NDRG1: variants seen among roughly 807,000 people sequenced by gnomAD.
NDRG1 encodes N-myc downstream regulated 1.
A neutral mutation model predicts 56.9 loss-of-function variants in NDRG1; 32 were observed. The observed-to-expected ratio is 0.56, with a 90% CI of 0.42 to 0.76. NDRG1 has a LOEUF of 0.76. Ranked by LOEUF, NDRG1 falls within the 30% of genes least tolerant of loss-of-function variation. The pLI is 0.00. For missense variants in NDRG1, 507 were observed against 545.7 expected, an observed-to-expected ratio of 0.93 and a Z score of 0.71; for synonymous variants, 211 against 204.1, an observed-to-expected ratio of 1.03 and a Z score of -0.29.
rs1450165165 is a variant in NDRG1, at chr8:133,254,547, A to G, written c.586T>C (p.Phe196Leu). Residue 196 changes from phenylalanine to leucine, a missense_variant, in exon 9 of 16, where the codon TTT becomes CTT. By Grantham distance (22) the Phe-to-Leu change is conservative (BLOSUM62 0). Coordinates refer to ENST00000323851, the MANE Select transcript of NDRG1 (RefSeq NM_006096.4). ...CAGACCACGCAACTCACCTTCCCAA[A>G]AAGGTGGGACACCACCATGTCCGGC... is the stretch of plus-strand genomic sequence containing the variant. ...ALPDMVVSHLFGKEEMQSNVE... is the reference protein window; with the variant it reads ...ALPDMVVSHLLGKEEMQSNVE... The G allele has an allele frequency of 6.2e-7, 1 of 1,614,130 alleles. No individual in the cohort carries two copies. Among genetic ancestry groups the G allele is most frequent in the African/African-American group, 1.3e-5 (1 of 75,066 alleles).
chr8:133,248,011 A>G, intron 11 of NDRG1, 85 bp from the exon 12 acceptor site: 1 of 1,327,178 alleles, frequency 7.5e-7, no homozygotes, highest in Non-Finnish European at 1.1e-6. Context: ...TGGGGCCTGC[A>G]TTCTACAAAC....
intron 2 of NDRG1, among the ~76,000 whole-genome samples, chr8:133,282,320 C>T (rs768223670): frequency 2.6e-5 from 4 of 152,218 alleles, no homozygotes; most frequent in South Asian, 4.1e-4. Context: ...TCTTGCAGTG[C>T]TGTCTGTAAT....
At chr8:133,255,084 C>T in intron 8 of NDRG1, 1 of 336,412 alleles carries the variant, frequency 3.0e-6, no homozygotes, top group Non-Finnish European at 5.9e-6. Flanking sequence ...CTTTTCCTAC[C>T]TCTCCCCAGT....
intron 8 of NDRG1, chr8:133,255,275 G>T (rs1206563511): frequency 2.2e-6 from 1 of 456,116 alleles, no homozygotes; most frequent in African/African-American, 2.0e-5. Context: ...CATACCTCTG[G>T]GTCTCAGACT....
chr8:133,269,442 T>C (rs1364836871), intron 3 of NDRG1, among the ~76,000 whole-genome samples: 1 of 152,230 alleles, frequency 6.6e-6, no homozygotes, highest in African/African-American at 2.4e-5. Context: ...ATGGCAGGGA[T>C]GGGGGCAGTA....
At chr8:133,280,382 T>C in intron 2 of NDRG1, 115 bp from the exon 3 acceptor site, 1 of 961,220 alleles carries the variant, frequency 1.0e-6, no homozygotes, top group Non-Finnish European at 1.6e-6. Context: ...TCCTCCTTTG[T>C]GGGGTCTCCT....
intron 15 of NDRG1, 49 bp downstream of exon 15, chr8:133,241,974 A>G (rs765033859): frequency 1.1e-5 from 18 of 1,609,222 alleles, no homozygotes; most frequent in East Asian, 1.1e-4. Flanking sequence ...AGCACTTCCA[A>G]TTCCGACACA....
chr8:133,281,930 G>A (rs139772550), intron 2 of NDRG1, among the ~76,000 whole-genome samples: 15 of 152,260 alleles, frequency 9.9e-5, no homozygotes, highest in African/African-American at 2.2e-4. Context: ...CCTTCAAAAC[G>A]TCATCAGAGT....
chr8:133,242,041 CG>C lies in NDRG1; in HGVS notation c.924del (p.Phe308LeufsTer13). On this transcript the variant is annotated frameshift_variant, in exon 15 of 16. Transcript: ENST00000323851. LOFTEE classifies it high-confidence loss of function. ...TACTCACTGTATCCCATGCCCTGCA[CG>C]AAGTACTTGAAGGCCTCAGCGAGCT... ...PAKLAEAFKY[F>X]VQGMGYMPSA... 1 of 1,614,192 alleles carries C rather than the reference CG, an allele frequency of 6.2e-7. No homozygotes were observed. The highest frequency in any genetic ancestry group is 8.5e-7 in the Non-Finnish European group (1 of 1,180,034).
intron 9 of NDRG1, among the ~76,000 whole-genome samples, chr8:133,251,765 G>T (rs1397896640): frequency 3.3e-5 from 5 of 152,188 alleles, no homozygotes; most frequent in African/African-American, 1.2e-4. Flanking sequence ...ATGCAAACTT[G>T]CTGGGAAAAA....
intron 1 of NDRG1, among the ~76,000 whole-genome samples, chr8:133,294,591 A>C (rs920807734): frequency 1.1e-4 from 16 of 152,128 alleles, no homozygotes; most frequent in Admixed American, 3.9e-4. Flanking sequence ...TTTCAGGTCC[A>C]TGAGGAGGCA....
chr8:133,262,315 T>G lies in NDRG1; in HGVS notation c.206-148A>C, dbSNP rs1473201160. ...AGAACACAGATGTTGGCGTTTTTTG[T>G]TTTTTGGTTTTGTCCCCATGCCCAC... On this transcript the variant is annotated intron_variant, in intron 4 of 15. Transcript: ENST00000323851. 1.1e-5 allele frequency: 12 copies of G among 1,065,360 alleles called. 1 individual carries two copies. Among genetic ancestry groups the G allele is most frequent in the South Asian group, 3.0e-5 (2 of 66,662 alleles). 66.0% of individuals were successfully genotyped at this position (1,065,360 alleles called of 1,614,324 possible). A position where few individuals can be genotyped will look rare whatever the true frequency, so the allele number is the denominator to read the frequency against.
At chr8:133,253,564 C>T (rs72731563) in intron 9 of NDRG1, among the ~76,000 whole-genome samples, 4,422 of 152,288 alleles carry the variant, frequency 0.029, 96 homozygotes, top group Middle Eastern at 0.078. Flanking sequence ...GCTAACTCCA[C>T]GGACATGTTT....
intron 5 of NDRG1, among the ~76,000 whole-genome samples, chr8:133,260,387 A>G (rs1043319095): frequency 6.6e-6 from 1 of 152,174 alleles, no homozygotes; most frequent in Non-Finnish European, 1.5e-5. Context: ...CTACTCCAGG[A>G]GGAAGAAACA....
intron 3 of NDRG1, among the ~76,000 whole-genome samples, chr8:133,270,665 C>T (rs530638016): frequency 1.8e-4 from 27 of 152,282 alleles, no homozygotes; most frequent in Non-Finnish European, 3.5e-4. Context: ...GGACCAAAGC[C>T]GCATGCTCAG....
At chr8:133,284,964 A>G (rs903124792) in intron 1 of NDRG1, 13 of 408,292 alleles carry the variant, frequency 3.2e-5, no homozygotes, top group African/African-American at 2.7e-4. Context: ...AACGCACAGT[A>G]CAATTTTGTA....
In NDRG1 at chr8:133,248,741, C is replaced by T; in HGVS notation, c.729G>A (p.Met243Ile). Residue 243 changes from methionine (M) to isoleucine (I), a missense_variant, in exon 11 of 16, where the codon ATG becomes ATA. Transcript: ENST00000323851. ...SRRDLEIERP[M>I]PGTHTVTLQC... ...GCAGGGTGACTGTGTGGGTTCCCGG[C>T]ATTGGTCGCTCAATCTCCAGGTCGC... The T allele has an allele frequency of 6.2e-7, 1 of 1,614,226 alleles. No individual in the cohort carries two copies. The highest frequency in any genetic ancestry group is 8.5e-7 in the Non-Finnish European group (1 of 1,180,044).
At chr8:133,246,952 G>A (rs191084835) in intron 12 of NDRG1, among the ~76,000 whole-genome samples, 42 of 152,266 alleles carry the variant, frequency 2.8e-4, no homozygotes, top group African/African-American at 7.7e-4. Flanking sequence ...AAGATTAGCC[G>A]AAATGTAAAC....
In NDRG1 at chr8:133,237,349, C is replaced by T. The variant is rs867996313; in HGVS notation, c.*1529G>A. 1.7e-5 allele frequency: 4 copies of T among 232,058 alleles called. No homozygotes were observed. Among genetic ancestry groups the T allele is most frequent in the East Asian group, 6.1e-5 (1 of 16,460 alleles). 14.4% of individuals were successfully genotyped at this position (232,058 alleles called of 1,614,324 possible). A position where few individuals can be genotyped will look rare whatever the true frequency, so the allele number is the denominator to read the frequency against. On this transcript the variant is annotated 3_prime_UTR_variant, in exon 16 of 16. Coordinates refer to ENST00000323851, the MANE Select transcript of NDRG1 (RefSeq NM_006096.4). ...CTCCAAGGTGATGGGCGGCAGGTAACGAGTCATTGCCTCTCACGCCACCTG... is the reference window on the plus strand; with the variant it reads ...CTCCAAGGTGATGGGCGGCAGGTAATGAGTCATTGCCTCTCACGCCACCTG...
Sources: allele counts gnomAD v4.1 joint callset (sites outside exome capture counted in the v4.1 genomes callset), GRCh38; gene constraint gnomAD v4.1.1; transcripts MANE v1.5; gene names NCBI Gene and HGNC (gene_info 2026-07-23, HGNC 2026-07-21).